Variants in ERRFI1 observed in about 807,000 individuals in gnomAD.
ERRFI1 encodes the protein ERBB receptor feedback inhibitor 1, also known as mitogen-inducible gene 6 protein.
In ERRFI1, 12 loss-of-function variants were observed where a neutral mutation model predicts 14.6. The ratio of observed to expected loss-of-function variants is 0.82; its 90% confidence interval spans 0.53 to 1.33. The LOEUF (loss-of-function observed/expected upper bound fraction) is 1.33. Among genes scored for constraint, ERRFI1 ranks in the 40% most tolerant of loss-of-function variants. The probability of loss-of-function intolerance (pLI) is 0.00; values close to 1 mark genes in which losing one functional copy is unlikely to be tolerated. For synonymous variants in ERRFI1, 202 were observed against 209.9 expected (o/e 0.96, Z 0.32); for missense variants, 482 against 572.1 (o/e 0.84, Z 1.61).
intron 1 of ERRFI1, among the ~76,000 whole-genome samples, chr1:8,019,705 G>A (rs1286922780): frequency 1.3e-5 from 2 of 152,168 alleles, no homozygotes; most frequent in African/African-American, 4.8e-5. Flanking sequence ...GGAGTGAGGC[G>A]ACTGCCCAAT....
Position 8,014,408 on chromosome 1 carries a change from G to A in ERRFI1, c.203-12C>T, listed in dbSNP as rs376015946. 96 of 1,543,420 alleles carry A rather than the reference G, an allele frequency of 6.2e-5. No homozygotes were observed. Among genetic ancestry groups the A allele is most frequent in the South Asian group, 3.4e-4 (27 of 79,196 alleles). ...TTTGGAAGCATGCCCTGGAATGAAC[G>A]AGAGATATTAATAAAAGATCAACAA... is the stretch of plus-strand genomic sequence containing the variant. On this transcript the variant is annotated splice_polypyrimidine_tract_variant and intron_variant, in intron 3 of 3. Coordinates refer to ENST00000377482, the MANE Select transcript of ERRFI1 (RefSeq NM_018948.4).
chr1:8,019,435 G>A (rs1051360213), intron 1 of ERRFI1, among the ~76,000 whole-genome samples: 5 of 152,100 alleles, frequency 3.3e-5, no homozygotes, highest in African/African-American at 4.8e-5. Flanking sequence ...GAGCAGCGGT[G>A]CTCTGTTCTT....
intron 1 of ERRFI1, among the ~76,000 whole-genome samples, chr1:8,016,817 T>C (rs901122614): frequency 6.6e-6 from 1 of 152,162 alleles, no homozygotes; most frequent in South Asian, 2.1e-4. Context: ...GCAAATAATA[T>C]CTGCACAGCT....
intron 3 of ERRFI1, 100 bp downstream of exon 3, chr1:8,015,208 A>T: frequency 9.8e-7 from 1 of 1,023,796 alleles, no homozygotes; most frequent in Non-Finnish European, 1.5e-6. Flanking sequence ...GAAATAGTTC[A>T]GGTTTCCTCA....
chr1:8,024,175 C>A (rs560506198), intron 1 of ERRFI1, among the ~76,000 whole-genome samples: 1 of 152,222 alleles, frequency 6.6e-6, no homozygotes, highest in African/African-American at 2.4e-5. Context: ...TGAAAAGCCA[C>A]CATTAGTTTC....
intron 1 of ERRFI1, among the ~76,000 whole-genome samples, chr1:8,016,751 A>G (rs2124068593): frequency 6.6e-6 from 1 of 152,310 alleles, no homozygotes; most frequent in South Asian, 2.1e-4. Flanking sequence ...GGGCACGTAC[A>G]TATACACTCT....
At chr1:8,016,756 C>T (rs1169732660) in intron 1 of ERRFI1, among the ~76,000 whole-genome samples, 2 of 152,178 alleles carry the variant, frequency 1.3e-5, no homozygotes, top group African/African-American at 4.8e-5. Context: ...CGTACATATA[C>T]ACTCTTTAAC....
At chr1:8,023,439 A>G (rs910015193) in intron 1 of ERRFI1, among the ~76,000 whole-genome samples, 6 of 152,004 alleles carry the variant, frequency 3.9e-5, no homozygotes, top group Admixed American at 3.9e-4. Context: ...CACCATACCC[A>G]GCTAATTTTT....
chr1:8,022,339 G>T (rs1376176621), intron 1 of ERRFI1, among the ~76,000 whole-genome samples: 2 of 152,150 alleles, frequency 1.3e-5, no homozygotes, highest in Non-Finnish European at 2.9e-5. Context: ...GGATCCCAAT[G>T]ATGGCATTAT....
At chr1:8,016,747 G>A (rs578080935) in intron 1 of ERRFI1, among the ~76,000 whole-genome samples, 2 of 152,192 alleles carry the variant, frequency 1.3e-5, no homozygotes, top group Non-Finnish European at 2.9e-5. Context: ...TTGGGGGCAC[G>A]TACATATACA....
chr1:8,014,045 T>A lies in ERRFI1; in HGVS notation c.554A>T (p.Asp185Val), dbSNP rs2124059946. The A allele has an allele frequency of 1.9e-6, 3 of 1,613,854 alleles. No individual in the cohort carries two copies. Among genetic ancestry groups the A allele is most frequent in the Non-Finnish European group, 2.5e-6 (3 of 1,179,978 alleles). The change falls in exon 4 of 4, where the codon GAC becomes GTC. Residue 185 changes from aspartate to valine, a missense_variant. Transcript: ENST00000377482. Reference protein sequence around the residue: ...TSSDTDFLLEDSTLSDFKYDV... With the variant: ...TSSDTDFLLEVSTLSDFKYDV... ...ATATTTGAAATCAGAAAGTGTAGAG[T>A]CTTCTAAAAGGAAGTCTGTATCTGA...
intron 1 of ERRFI1, among the ~76,000 whole-genome samples, chr1:8,024,311 A>G (rs1641314669): frequency 6.6e-6 from 1 of 152,266 alleles, no homozygotes; most frequent in Admixed American, 6.5e-5. Context: ...AACTGCAAGT[A>G]GGAAAACCGA....
At chr1:8,019,884 G>T (rs1384313769) in intron 1 of ERRFI1, among the ~76,000 whole-genome samples, 1 of 151,908 alleles carries the variant, frequency 6.6e-6, no homozygotes, top group East Asian at 1.9e-4. Flanking sequence ...TGAAGCAATT[G>T]GGGGGGTACT....
chr1:8,017,997 A>G (rs1389447469), intron 1 of ERRFI1, among the ~76,000 whole-genome samples: 1 of 152,204 alleles, frequency 6.6e-6, no homozygotes, highest in Non-Finnish European at 1.5e-5. Flanking sequence ...TTCTTAAGAA[A>G]AAAATTTTTT....
At chr1:8,015,083 T>C (rs1641153761) in intron 3 of ERRFI1, 7 of 530,118 alleles carry the variant, frequency 1.3e-5, no homozygotes, top group East Asian at 3.1e-5. Context: ...CCCACGTCCA[T>C]GAACAGTCCT....
Position 8,026,301 on chromosome 1 carries a change from A to ACCGCCGTCGCCGCGGCTG in ERRFI1, c.-218_-217insCAGCCGCGGCGACGGCGG, listed in dbSNP as rs1641351184. Reference sequence around the variant, plus strand: ...CCGCTAGCACTCTGCCTCGCACCGGACCGCCGTCGCCGCGGCTGCCGCCGC... The same window carrying ACCGCCGTCGCCGCGGCTG: ...CCGCTAGCACTCTGCCTCGCACCGGACCGCCGTCGCCGCGGCTGCCGCCGTCGCCGCGGCTGCCGCCGC... On this transcript the variant is annotated 5_prime_UTR_variant, in exon 1 of 4. Coordinates refer to ENST00000377482, the MANE Select transcript of ERRFI1 (RefSeq NM_018948.4). The ACCGCCGTCGCCGCGGCTG allele has an allele frequency of 6.5e-6, 1 of 152,682 alleles. No homozygotes were observed. The highest frequency in any genetic ancestry group is 1.5e-5 in the Non-Finnish European group (1 of 68,658). 9.5% of individuals were successfully genotyped at this position (152,682 alleles called of 1,614,324 possible).
chr1:8,017,333 A>T (rs1197575010), intron 1 of ERRFI1, among the ~76,000 whole-genome samples: 1 of 152,184 alleles, frequency 6.6e-6, no homozygotes, highest in Non-Finnish European at 1.5e-5. Context: ...TACCAGGCAG[A>T]GATTTTATGA....
chr1:8,018,772 A>G (rs1641235860), intron 1 of ERRFI1, among the ~76,000 whole-genome samples: 1 of 152,202 alleles, frequency 6.6e-6, no homozygotes, highest in Admixed American at 6.5e-5. Flanking sequence ...TTCAACGAAA[A>G]AAGAAGCCCT....
chr1:8,024,956 G>A (rs1178123890), intron 1 of ERRFI1, among the ~76,000 whole-genome samples: 1 of 152,228 alleles, frequency 6.6e-6, no homozygotes, highest in East Asian at 1.9e-4. Flanking sequence ...CGGTGAACTT[G>A]GGATGTTCAG....
Sources: gnomAD v4.1 joint callset for allele counts (sites outside exome capture counted in the v4.1 genomes callset) on GRCh38, gnomAD v4.1.1 for gene constraint, MANE v1.5 for transcripts, NCBI Gene and HGNC (gene_info 2026-07-23, HGNC 2026-07-21) for gene names.